The following CDH18 variants were observed in gnomAD, a reference collection of about 807,000 sequenced individuals.
CDH18 encodes cadherin 18, also known as cadherin-18.
A neutral mutation model predicts 67.9 loss-of-function variants in CDH18; 31 were observed. The ratio of observed to expected loss-of-function variants is 0.46; its 90% CI spans 0.34 to 0.62. CDH18 has a LOEUF of 0.62. CDH18 is among the 20% of genes least tolerant of loss of function. The probability of loss-of-function intolerance (pLI) is 0.01; values close to 1 mark genes in which losing one functional copy is unlikely to be tolerated. For missense variants in CDH18, 890 were observed against 975.5 expected, an observed-to-expected ratio of 0.91 and a Z score of 1.17; for synonymous variants, 362 against 347.2, an observed-to-expected ratio of 1.04 and a Z score of -0.48.
Position 20,000,976 on chromosome 5 carries a change from T to A in CDH18, c.-517-8962A>T, listed in dbSNP as rs369075791. On this transcript the variant is annotated intron_variant, in intron 2 of 14. Transcript: ENST00000507958. ...TTAGTAAACAGAAGTTTATTCACAT[T>A]TGCAAAGGTTGGCAAAGTCAAAATG... Among the ~76,000 whole-genome samples, 93 of 152,288 alleles carry A rather than the reference T, an allele frequency of 6.1e-4. No homozygotes were observed. In the South Asian group the frequency reaches 0.017, roughly 27 times the overall value.
chr5:19,828,754 C>T (rs1035200473), intron 3 of CDH18, among the ~76,000 whole-genome samples: 1 of 151,964 alleles, frequency 6.6e-6, no homozygotes, highest in African/African-American at 2.4e-5. Context: ...TAACAGGAGC[C>T]GGCTGGGCGC....
chr5:20,124,436 T>G (rs1459123591), intron 2 of CDH18, among the ~76,000 whole-genome samples: 1 of 152,214 alleles, frequency 6.6e-6, no homozygotes, highest in Non-Finnish European at 1.5e-5. Context: ...ATACAAGCTG[T>G]GCAATCACCT....
intron 10 of CDH18, among the ~76,000 whole-genome samples, chr5:19,506,706 G>A (rs1434647143): frequency 2.0e-5 from 3 of 152,206 alleles, no homozygotes; most frequent in African/African-American, 4.8e-5. Flanking sequence ...GCTATATGTA[G>A]AAAGCTGAAA....
intron 11 of CDH18, among the ~76,000 whole-genome samples, chr5:19,502,376 A>G (rs1051000146): frequency 7.2e-5 from 11 of 152,188 alleles, no homozygotes; most frequent in African/African-American, 2.2e-4. Context: ...ACCTTGAGAA[A>G]TGTACCAAAG....
intron 5 of CDH18, among the ~76,000 whole-genome samples, chr5:19,712,988 T>G (rs1353032409): frequency 6.6e-6 from 1 of 151,930 alleles, no homozygotes; most frequent in African/African-American, 2.4e-5. Flanking sequence ...GTTTAAAGAC[T>G]AAAGAACACA....
intron 2 of CDH18, among the ~76,000 whole-genome samples, chr5:20,218,760 C>T (rs1201450183): frequency 6.6e-6 from 1 of 151,924 alleles, no homozygotes; most frequent in African/African-American, 2.4e-5. Flanking sequence ...GTGCCTTTCA[C>T]CTCCCGCCAT....
At chr5:19,611,571 T>C (rs164448) in intron 6 of CDH18, among the ~76,000 whole-genome samples, 99,424 of 151,782 alleles carry the variant, frequency 0.66, 32,986 homozygotes, top group South Asian at 0.76. Flanking sequence ...AGAGATAAAG[T>C]TGAGAAAGGC....
chr5:20,085,168 T>C (rs1744836131), intron 2 of CDH18, among the ~76,000 whole-genome samples: 1 of 152,198 alleles, frequency 6.6e-6, no homozygotes, highest in South Asian at 2.1e-4. Flanking sequence ...GCTTTGCTGC[T>C]TAGAAATTTC....
chr5:20,397,350 T>C (rs1745375298), intron 1 of CDH18, among the ~76,000 whole-genome samples: 1 of 152,108 alleles, frequency 6.6e-6, no homozygotes, highest in Admixed American at 6.6e-5. Flanking sequence ...CGGGCTGGCC[T>C]AGAACTCCTG....
intron 2 of CDH18, among the ~76,000 whole-genome samples, chr5:20,068,273 A>C (rs1012180433): frequency 1.3e-5 from 2 of 152,154 alleles, no homozygotes; most frequent in African/African-American, 2.4e-5. Context: ...TATCGCACAG[A>C]TATTACAAGT....
intron 2 of CDH18, among the ~76,000 whole-genome samples, chr5:20,107,905 T>C (rs1437020975): frequency 8.8e-6 from 1 of 114,158 alleles, no homozygotes; most frequent in African/African-American, 3.3e-5. Flanking sequence ...CCTAATGCTA[T>C]CCCTCCCCCC....
chr5:20,341,002 A>G (rs1013635237), intron 1 of CDH18, among the ~76,000 whole-genome samples: 2 of 152,148 alleles, frequency 1.3e-5, no homozygotes, highest in African/African-American at 4.8e-5. Flanking sequence ...GTGGAGACCA[A>G]CATTAATTCA....
Position 19,969,881 on chromosome 5 carries a change from TA to T in CDH18, c.-257+11178del, listed in dbSNP as rs1200521666. On this transcript the variant is annotated intron_variant, in intron 2 of 12. Transcript: ENST00000382275. The stretch of plus-strand genomic sequence containing the variant: ...AAAAGAAGGTGTCCTAAAGAGTTTA[TA>T]AATTAACACCTTATTATAGTAATAT... Among the ~76,000 whole-genome samples, 14 of 152,130 alleles carry T rather than the reference TA, an allele frequency of 9.2e-5. No homozygotes were observed. The South Asian group carries it at 2.7e-3, about 29-fold the overall frequency.
intron 5 of CDH18, among the ~76,000 whole-genome samples, chr5:19,675,930 T>G (rs1335349728): frequency 6.6e-6 from 1 of 151,978 alleles, no homozygotes; most frequent in Non-Finnish European, 1.5e-5. Context: ...TCTTCTGACA[T>G]GGCTTCAGCC....
chr5:20,371,754 G>C (rs1395442130), intron 1 of CDH18, among the ~76,000 whole-genome samples: 1 of 152,224 alleles, frequency 6.6e-6, no homozygotes, highest in African/African-American at 2.4e-5. Flanking sequence ...AAGGGCCCTT[G>C]AGAACAAGAC....
chr5:20,005,858 A>T (rs1296991163), intron 2 of CDH18, among the ~76,000 whole-genome samples: 1 of 152,006 alleles, frequency 6.6e-6, no homozygotes, highest in African/African-American at 2.4e-5. Flanking sequence ...ATATTTAACT[A>T]CGTTTCATGG....
intron 2 of CDH18, among the ~76,000 whole-genome samples, chr5:19,929,365 A>T (rs1174190763): frequency 6.6e-6 from 1 of 152,114 alleles, no homozygotes; most frequent in Non-Finnish European, 1.5e-5. Flanking sequence ...CTATATGCAG[A>T]GGACACAGCA....
At chr5:19,523,568 T>G (rs183420998) in intron 9 of CDH18, among the ~76,000 whole-genome samples, 1 of 151,196 alleles carries the variant, frequency 6.6e-6, no homozygotes, top group Admixed American at 6.6e-5. Flanking sequence ...AAAATAAACA[T>G]GAAAAAAAAT....
intron 3 of CDH18, among the ~76,000 whole-genome samples, chr5:19,751,435 A>G (rs577833423): frequency 3.3e-4 from 50 of 152,346 alleles, no homozygotes; most frequent in African/African-American, 1.2e-3. Context: ...GTGGAAGCCA[A>G]AAATAAAGGC....
Sources: allele counts gnomAD v4.1 joint callset (sites outside exome capture counted in the v4.1 genomes callset), GRCh38; gene constraint gnomAD v4.1.1; transcripts MANE v1.5; gene names NCBI Gene and HGNC (gene_info 2026-07-23, HGNC 2026-07-21).